Variants in ADIPOR2 observed in about 807,000 individuals in gnomAD.
The protein encoded by ADIPOR2 is adiponectin receptor protein 2.
ADIPOR2 carries 18 observed loss-of-function variants against 40.9 expected under a neutral mutation model. That is an observed-to-expected ratio of 0.44 (90% CI 0.30 to 0.65). ADIPOR2 has a LOEUF of 0.65. ADIPOR2 is among the 30% of genes least tolerant of loss of function. ADIPOR2 has a pLI of 0.09. For synonymous variants in ADIPOR2, 165 were observed against 166.4 expected (o/e 0.99, Z 0.06); for missense variants, 283 against 479.2 (o/e 0.59, Z 3.82).
chr12:1,782,359 T>C (rs543360227), intron 6 of ADIPOR2, among the ~76,000 whole-genome samples: 1 of 152,250 alleles, frequency 6.6e-6, no homozygotes, highest in Admixed American at 6.5e-5. Flanking sequence ...CTTTATCTGT[T>C]GAGAAAGCTT....
At chr12:1,726,679 A>C (rs1592591461) in intron 1 of ADIPOR2, among the ~76,000 whole-genome samples, 1 of 143,588 alleles carries the variant, frequency 7.0e-6, no homozygotes, top group East Asian at 2.0e-4. Context: ...TTTTTTTTTT[A>C]AAGGATTTTA....
intron 1 of ADIPOR2, among the ~76,000 whole-genome samples, chr12:1,719,868 G>C (rs1242326295): frequency 6.6e-6 from 1 of 151,906 alleles, no homozygotes; most frequent in Non-Finnish European, 1.5e-5. Flanking sequence ...GCAGAGATGG[G>C]GTTTTACCAT....
rs150408140 is a variant in ADIPOR2, at chr12:1,719,512, G to A, written c.-87+28321G>A. Among the ~76,000 whole-genome samples the A allele has an allele frequency of 2.6e-5, 4 of 152,214 alleles. No individual in the cohort carries two copies. In the East Asian group the frequency reaches 7.7e-4, roughly 29 times the overall value. ...TAAGTTAATTATAACTGCTCTAGCT[G>A]TTTTGTCATCTGCCAAATGGGGAAA... On this transcript the variant is annotated intron_variant, in intron 1 of 7. Transcript: ENST00000357103.
chr12:1,729,844 A>C lies in ADIPOR2; in HGVS notation c.-86-24414A>C, dbSNP rs79463273. Among the ~76,000 whole-genome samples, 657 of 152,212 alleles carry C rather than the reference A, an allele frequency of 4.3e-3. 5 individuals carry two copies. The highest frequency in any genetic ancestry group is 0.015 in the African/African-American group (627 of 41,510). ...ATTTTGTAATACTGGGCCGTAAGAA[A>C]GCAGGGAAAAGCACAAAACTTGGCA... is the stretch of plus-strand genomic sequence containing the variant. On this transcript the variant is annotated intron_variant, in intron 1 of 7. Coordinates refer to ENST00000357103, the MANE Select transcript of ADIPOR2 (RefSeq NM_024551.3).
At chr12:1,719,103 T>C (rs1376236899) in intron 1 of ADIPOR2, among the ~76,000 whole-genome samples, 1 of 152,194 alleles carries the variant, frequency 6.6e-6, no homozygotes, top group African/African-American at 2.4e-5. Context: ...TTAAGGGCCA[T>C]ATTAGTAACA....
At chr12:1,752,979 C>T (rs755707823) in intron 1 of ADIPOR2, among the ~76,000 whole-genome samples, 2 of 152,138 alleles carry the variant, frequency 1.3e-5, no homozygotes, top group Non-Finnish European at 2.9e-5. Flanking sequence ...TTTCTTCTTG[C>T]CCTACATACT....
intron 1 of ADIPOR2, among the ~76,000 whole-genome samples, chr12:1,703,540 A>G (rs2094654962): frequency 6.6e-6 from 1 of 152,116 alleles, no homozygotes; most frequent in Non-Finnish European, 1.5e-5. Flanking sequence ...GTTCGAGACC[A>G]ACCTGGGCAA....
chr12:1,744,308 G>A (rs1184038214), intron 1 of ADIPOR2, among the ~76,000 whole-genome samples: 1 of 151,980 alleles, frequency 6.6e-6, no homozygotes, highest in African/African-American at 2.4e-5. Flanking sequence ...GTTTCACCAC[G>A]TTAGCCAGAA....
chr12:1,768,249 C>T (rs1168114264), intron 2 of ADIPOR2, among the ~76,000 whole-genome samples: 1 of 152,170 alleles, frequency 6.6e-6, no homozygotes. Flanking sequence ...CTTCCACTAA[C>T]ATTTAAATAC....
intron 1 of ADIPOR2, among the ~76,000 whole-genome samples, chr12:1,710,348 ACACT>A (rs1480412128): frequency 1.3e-5 from 2 of 152,102 alleles, no homozygotes; most frequent in African/African-American, 2.4e-5. Context: ...AAGAGCTGTA[ACACT>A]CACCGTGAAG....
chr12:1,773,141 C>CACAA (rs1457233551), intron 3 of ADIPOR2, among the ~76,000 whole-genome samples, 180 bp downstream of exon 3: 2 of 152,280 alleles, frequency 1.3e-5, no homozygotes, highest in African/African-American at 4.8e-5. Context: ...CATTTGTTGG[C>CACAA]TTGTAGTAGC....
intron 3 of ADIPOR2, among the ~76,000 whole-genome samples, 154 bp from the exon 4 acceptor site, chr12:1,777,695 CAGAAT>C (rs1370784485): frequency 4.6e-5 from 7 of 152,214 alleles, no homozygotes; most frequent in African/African-American, 1.7e-4. Context: ...TTAAAGAACT[CAGAAT>C]ATAAGACATT....
chr12:1,739,123 A>T (rs1489671274), intron 1 of ADIPOR2, among the ~76,000 whole-genome samples: 4 of 152,234 alleles, frequency 2.6e-5, no homozygotes, highest in Non-Finnish European at 5.9e-5. Flanking sequence ...GTAAAACATG[A>T]ATTCTTTCAG....
chr12:1,725,247 G>A (rs1433963134), intron 1 of ADIPOR2, among the ~76,000 whole-genome samples: 2 of 151,758 alleles, frequency 1.3e-5, no homozygotes, highest in East Asian at 1.9e-4. Flanking sequence ...TCAGTCTCCC[G>A]AGTAGTTGGG....
At chr12:1,733,034 T>C (rs888082109) in intron 1 of ADIPOR2, among the ~76,000 whole-genome samples, 3 of 152,190 alleles carry the variant, frequency 2.0e-5, no homozygotes, top group Admixed American at 6.5e-5. Context: ...ATGGGAAACC[T>C]TGTTAGATTT....
intron 2 of ADIPOR2, among the ~76,000 whole-genome samples, chr12:1,772,369 C>G (rs1214337628): frequency 1.3e-5 from 2 of 152,106 alleles, no homozygotes; most frequent in Non-Finnish European, 2.9e-5. Context: ...ATATATAAAG[C>G]CTTTTCCTCT....
intron 1 of ADIPOR2, among the ~76,000 whole-genome samples, chr12:1,715,353 A>ATTCT (rs1360097047): frequency 6.6e-6 from 1 of 152,050 alleles, no homozygotes; most frequent in Non-Finnish European, 1.5e-5. Context: ...GCCAGGCCAT[A>ATTCT]GTGCAGAAAA....
chr12:1,770,096 A>AT (rs1045240472), intron 2 of ADIPOR2, among the ~76,000 whole-genome samples: 3 of 150,016 alleles, frequency 2.0e-5, no homozygotes, highest in African/African-American at 7.5e-5. Flanking sequence ...TAATTTTTAT[A>AT]TTTTTTGTAG....
chr12:1,784,108 C>T lies in ADIPOR2; in HGVS notation c.1032+35C>T, dbSNP rs1862782616. 4 of 1,512,312 alleles carry T rather than the reference C, an allele frequency of 2.6e-6. No homozygotes were observed. The Admixed American group carries it at 8.1e-5, about 31-fold the overall frequency. 93.7% of individuals were successfully genotyped at this position (1,512,312 alleles called of 1,614,324 possible). ...TCGGGGTGACTGAGTGTGTAGGTAT[C>T]TGCTCATGAGTTATTGGCATCCTGC... On this transcript the variant is annotated intron_variant, in intron 7 of 7. Coordinates refer to ENST00000357103, the MANE Select transcript of ADIPOR2 (RefSeq NM_024551.3).
Sources: gnomAD v4.1 joint callset for allele counts (sites outside exome capture counted in the v4.1 genomes callset) on GRCh38, gnomAD v4.1.1 for gene constraint, MANE v1.5 for transcripts, NCBI Gene and HGNC (gene_info 2026-07-23, HGNC 2026-07-21) for gene names.